The following CPA6 variants were observed in gnomAD, a reference collection of about 807,000 sequenced individuals.
The protein encoded by CPA6 is carboxypeptidase B.
In CPA6, 58 loss-of-function variants were observed where a neutral mutation model predicts 63.3. The ratio of observed to expected loss-of-function variants is 0.92; its 90% CI spans 0.74 to 1.14. The LOEUF (loss-of-function observed/expected upper bound fraction) is 1.14. Ranked by LOEUF, CPA6 falls within the 50% of genes most tolerant of loss-of-function variation. The pLI, the probability that CPA6 is intolerant of heterozygous loss-of-function variation, is 0.00. For synonymous variants in CPA6, 185 were observed against 179.0 expected (o/e 1.03, Z -0.27); for missense variants, 565 against 526.6 (o/e 1.07, Z -0.71).
At chr8:67,488,166 T>C (rs192352983) in intron 6 of CPA6, among the ~76,000 whole-genome samples, 59 of 152,336 alleles carry the variant, frequency 3.9e-4, no homozygotes, top group Middle Eastern at 6.8e-3. Context: ...GGTTTTCTTC[T>C]AGGGTTTTTA....
At chr8:67,448,218 CTTTGTAAAGACTGTCA>C (rs1042412726) in intron 8 of CPA6, among the ~76,000 whole-genome samples, 9 of 152,176 alleles carry the variant, frequency 5.9e-5, no homozygotes, top group Non-Finnish European at 1.3e-4. Context: ...GTAGAAAGTG[CTTTGTAAAGACTGTCA>C]TTTGCATTGC....
In CPA6 at chr8:67,475,972, CTCTT is replaced by C. The variant is rs1208705322; in HGVS notation, c.838+7792_838+7795del. Among the ~76,000 whole-genome samples the C allele has an allele frequency of 9.3e-4, 132 of 142,638 alleles. 1 individual carries two copies. Among genetic ancestry groups the C allele is most frequent in the African/African-American group, 3.5e-3 (129 of 37,170 alleles). 93.6% of individuals were successfully genotyped at this position (142,638 alleles called of 152,430 possible). On this transcript the variant is annotated intron_variant, in intron 8 of 10. Coordinates refer to ENST00000297770, the MANE Select transcript of CPA6 (RefSeq NM_020361.5). ...TGTCTTTCTTTCTCTTTCTCTCTCT[CTCTT>C]TCTTTCTCTCCCCTTCCTTCCTTCC... is the stretch of plus-strand genomic sequence containing the variant.
chr8:67,678,227 T>A (rs7016417), intron 1 of CPA6, among the ~76,000 whole-genome samples: 47,345 of 126,662 alleles, frequency 0.37, 8,374 homozygotes, highest in African/African-American at 0.58. Flanking sequence ...AAACTCTGTC[T>A]CACACACACA....
intron 6 of CPA6, among the ~76,000 whole-genome samples, chr8:67,496,525 A>G (rs1237509163): frequency 1.8e-5 from 1 of 55,038 alleles, no homozygotes; most frequent in Non-Finnish European, 4.2e-5. Flanking sequence ...TAGTTTATAT[A>G]TATATATATA....
rs1814197159 is a variant in CPA6 at position 67,593,471 on chromosome 8, T to TAG, written c.192+30704_192+30705insCT. ...CTTTCTGTCTTGTTGATCTGTCTAA[T>TAG]GTTGACAGTGGGGTGTTAAAGTCTC... On this transcript the variant is annotated intron_variant, in intron 2 of 10. Coordinates refer to ENST00000297770, the MANE Select transcript of CPA6 (RefSeq NM_020361.5). Among the ~76,000 whole-genome samples, 16 of 152,312 alleles carry TAG rather than the reference T, an allele frequency of 1.1e-4. No individual in the cohort carries two copies. The South Asian group carries it at 3.3e-3, about 32-fold the overall frequency.
chr8:67,442,683 T>C lies in CPA6; in HGVS notation c.839-8443A>G, dbSNP rs143972845. Among the ~76,000 whole-genome samples the C allele has an allele frequency of 2.7e-3, 406 of 152,252 alleles. 7 individuals carry two copies. Among genetic ancestry groups the C allele is most frequent in the African/African-American group, 9.3e-3 (387 of 41,562 alleles). On this transcript the variant is annotated intron_variant, in intron 8 of 10. Coordinates refer to ENST00000297770, the MANE Select transcript of CPA6 (RefSeq NM_020361.5). Reference sequence around the variant, plus strand: ...ATCTTATTTATGACGCAAAGGAGCTTGTAGTGTTCTCTAGGCAGTGAAGAA... The same window carrying C: ...ATCTTATTTATGACGCAAAGGAGCTCGTAGTGTTCTCTAGGCAGTGAAGAA...
At chr8:67,630,290 G>T (rs1815294517) in intron 1 of CPA6, among the ~76,000 whole-genome samples, 1 of 151,986 alleles carries the variant, frequency 6.6e-6, no homozygotes, top group Admixed American at 6.6e-5. Flanking sequence ...ACACACCCAT[G>T]CTCACTCAGC....
intron 8 of CPA6, chr8:67,483,553 C>T (rs1252584857): frequency 1.8e-6 from 1 of 570,410 alleles, no homozygotes; most frequent in Non-Finnish European, 3.1e-6. Flanking sequence ...ACCGAATTGA[C>T]ATATTTAAAA....
intron 2 of CPA6, among the ~76,000 whole-genome samples, chr8:67,567,880 C>T (rs763357626): frequency 5.3e-5 from 8 of 152,234 alleles, no homozygotes; most frequent in African/African-American, 1.9e-4. Context: ...CCTTACCTCA[C>T]GGGGACTGAG....
intron 1 of CPA6, among the ~76,000 whole-genome samples, chr8:67,642,793 T>TCACACACACACACACACACACACA (rs61054637): frequency 2.1e-5 from 3 of 145,074 alleles, no homozygotes; most frequent in African/African-American, 5.1e-5. Flanking sequence ...GGCCTTTATC[T>TCACACACACACACACACACACACA]CACACACACA....
At chr8:67,592,485 T>C (rs1446671226) in intron 2 of CPA6, among the ~76,000 whole-genome samples, 1 of 151,972 alleles carries the variant, frequency 6.6e-6, no homozygotes, top group Non-Finnish European at 1.5e-5. Context: ...CTTGTACCTC[T>C]GGTAGAATTC....
intron 1 of CPA6, among the ~76,000 whole-genome samples, chr8:67,745,710 A>G (rs965725676): frequency 6.6e-6 from 1 of 152,182 alleles, no homozygotes; most frequent in Non-Finnish European, 1.5e-5. Flanking sequence ...AGCATCAACC[A>G]AGGCAAACAC....
intron 2 of CPA6, among the ~76,000 whole-genome samples, chr8:67,558,316 G>A (rs892167966): frequency 2.6e-5 from 4 of 152,032 alleles, no homozygotes; most frequent in South Asian, 4.2e-4. Context: ...TATTTCTTTC[G>A]TAGCCTTTAT....
chr8:67,698,602 G>A (rs895242874), intron 1 of CPA6, among the ~76,000 whole-genome samples: 5 of 152,056 alleles, frequency 3.3e-5, no homozygotes, highest in South Asian at 2.1e-4. Context: ...AATATAAGTC[G>A]ATATGTCTTC....
chr8:67,430,015 A>G (rs1809984915), intron 9 of CPA6, among the ~76,000 whole-genome samples: 1 of 152,012 alleles, frequency 6.6e-6, no homozygotes. Context: ...CTAGACACCT[A>G]TTTGAAAGGA....
rs911350676 is a variant in CPA6, at chr8:67,640,186, G to A, written c.117-15935C>T. ...ACTGGGAGCCTGGCCCCCAGGCTTC[G>A]GCTCCCCCCAGCTTGGAGGTGGGGC... On this transcript the variant is annotated intron_variant, in intron 1 of 10. Transcript: ENST00000297770. 5.3e-5 allele frequency among the ~76,000 whole-genome samples: 8 copies of A among 150,686 alleles called. 1 individual carries two copies. The highest frequency in any genetic ancestry group is 1.7e-4 in the African/African-American group (7 of 40,406).
At chr8:67,427,988 T>C (rs2128951267) in intron 10 of CPA6, 59 bp downstream of exon 10, 2 of 1,137,454 alleles carry the variant, frequency 1.8e-6, no homozygotes, top group Non-Finnish European at 2.6e-6. Flanking sequence ...AAGGAAGTCA[T>C]GATACAGGAT....
intron 1 of CPA6, among the ~76,000 whole-genome samples, chr8:67,725,310 T>C (rs1258026492): frequency 6.6e-6 from 1 of 152,160 alleles, no homozygotes; most frequent in African/African-American, 2.4e-5. Flanking sequence ...ATTCCTAATA[T>C]CTAAAACAAT....
At chr8:67,707,208 A>C (rs1297019542) in intron 1 of CPA6, among the ~76,000 whole-genome samples, 1 of 152,194 alleles carries the variant, frequency 6.6e-6, no homozygotes, top group Non-Finnish European at 1.5e-5. Context: ...TGACATTAGA[A>C]TAGGTGAAAA....
Sources: gnomAD v4.1 joint callset for allele counts (sites outside exome capture counted in the v4.1 genomes callset) on GRCh38, gnomAD v4.1.1 for gene constraint, MANE v1.5 for transcripts, NCBI Gene and HGNC (gene_info 2026-07-23, HGNC 2026-07-21) for gene names.